IQGAP2: variants seen among roughly 807,000 people sequenced by gnomAD.
The protein encoded by IQGAP2 is ras GTPase-activating-like protein IQGAP2.
In IQGAP2, 173 loss-of-function variants were observed where a neutral mutation model predicts 201.3. That is an observed-to-expected ratio of 0.86 (90% CI 0.76 to 0.98). IQGAP2 has a LOEUF of 0.98. Among genes scored for constraint, IQGAP2 ranks in the 50% least tolerant of loss-of-function variants. IQGAP2 has a pLI of 0.00. For synonymous variants in IQGAP2, 675 were observed against 673.9 expected, an observed-to-expected ratio of 1.00 and a Z score of -0.03; for missense variants, 1,687 against 1,864.8, an observed-to-expected ratio of 0.90 and a Z score of 1.76.
intron 15 of IQGAP2, 30 bp downstream of exon 15, chr5:76,632,056 T>TAAGTATTTTA (rs1433620727): frequency 2.6e-6 from 4 of 1,517,424 alleles, no homozygotes; most frequent in Non-Finnish European, 3.6e-6. Flanking sequence ...TAGCACAAAC[T>TAAGTATTTTA]AAGTATTTTA....
chr5:76,683,712 C>A, intron 29 of IQGAP2, 64 bp from the exon 30 acceptor site: 1 of 1,470,558 alleles, frequency 6.8e-7, no homozygotes, highest in Non-Finnish European at 9.3e-7. Context: ...CTTTATCTTA[C>A]ATTGTTGGTG....
In IQGAP2 at chr5:76,667,899, T is replaced by C. The variant is rs1743934977; in HGVS notation, c.2680-782T>C. Reference sequence around the variant, plus strand: ...TTTCTTTTTTTTTTTTTTTTTTTTTTTGATACAGAGTCTGTGTTGTCTAGG... The same window carrying C: ...TTTCTTTTTTTTTTTTTTTTTTTTTCTGATACAGAGTCTGTGTTGTCTAGG... On this transcript the variant is annotated intron_variant, in intron 22 of 35. Transcript: ENST00000274364. Among the ~76,000 whole-genome samples the C allele has an allele frequency of 3.9e-5, 5 of 128,844 alleles. No homozygotes were observed. In the South Asian group the frequency reaches 1.2e-3, roughly 30 times the overall value. 84.5% of individuals were successfully genotyped at this position (128,844 alleles called of 152,430 possible). A position where few individuals can be genotyped will look rare whatever the true frequency, so the allele number is the denominator to read the frequency against.
intron 20 of IQGAP2, among the ~76,000 whole-genome samples, chr5:76,655,500 T>G (rs1013902955): frequency 4.6e-5 from 7 of 152,200 alleles, no homozygotes; most frequent in African/African-American, 1.7e-4. Flanking sequence ...CAGGCTGGAA[T>G]GCAGTGGCGC....
chr5:76,437,893 G>A (rs1301080562), intron 1 of IQGAP2, among the ~76,000 whole-genome samples: 1 of 152,034 alleles, frequency 6.6e-6, no homozygotes, highest in Admixed American at 6.5e-5. Context: ...TATATACCCA[G>A]TAATGGGATT....
chr5:76,669,541 A>T (rs1468252304), intron 23 of IQGAP2, among the ~76,000 whole-genome samples: 1 of 152,230 alleles, frequency 6.6e-6, no homozygotes, highest in Non-Finnish European at 1.5e-5. Flanking sequence ...AGAGGACAGG[A>T]GGAAAGATTC....
At chr5:76,521,695 G>A (rs931335719) in intron 2 of IQGAP2, among the ~76,000 whole-genome samples, 4 of 152,138 alleles carry the variant, frequency 2.6e-5, no homozygotes, top group African/African-American at 4.8e-5. Flanking sequence ...ATCAACACAC[G>A]TCACTGTAGC....
chr5:76,503,533 A>T (rs149834802), intron 2 of IQGAP2, among the ~76,000 whole-genome samples: 1 of 151,906 alleles, frequency 6.6e-6, no homozygotes, highest in East Asian at 1.9e-4. Context: ...TTTTGTTGTC[A>T]TACCTTCCTG....
At chr5:76,461,855 A>G (rs1424449131) in intron 2 of IQGAP2, among the ~76,000 whole-genome samples, 186 bp downstream of exon 2, 1 of 152,200 alleles carries the variant, frequency 6.6e-6, no homozygotes, top group African/African-American at 2.4e-5. Flanking sequence ...CAAACCTCCC[A>G]TGCCAGGAGG....
chr5:76,538,519 CTG>C (rs1759756217), intron 2 of IQGAP2, among the ~76,000 whole-genome samples: 1 of 152,188 alleles, frequency 6.6e-6, no homozygotes, highest in African/African-American at 2.4e-5. Flanking sequence ...TCTGTTGGGA[CTG>C]TTTTTCAACT....
chr5:76,520,585 C>A (rs2150194061), intron 2 of IQGAP2, among the ~76,000 whole-genome samples: 1 of 152,060 alleles, frequency 6.6e-6, no homozygotes, highest in South Asian at 2.1e-4. Flanking sequence ...GCTTGTCTAT[C>A]CCTTGAAAAA....
intron 2 of IQGAP2, among the ~76,000 whole-genome samples, chr5:76,526,112 C>G (rs1758958949): frequency 2.0e-5 from 3 of 152,146 alleles, no homozygotes; most frequent in Non-Finnish European, 4.4e-5. Flanking sequence ...ATTAACATAG[C>G]CTTTTACTGG....
intron 21 of IQGAP2, among the ~76,000 whole-genome samples, chr5:76,664,799 T>G (rs1469439030): frequency 6.6e-6 from 1 of 152,118 alleles, no homozygotes; most frequent in African/African-American, 2.4e-5. Flanking sequence ...AGTAAGCACA[T>G]GCTATTGGAA....
At chr5:76,696,746 T>C (rs962656624) in intron 32 of IQGAP2, among the ~76,000 whole-genome samples, 4 of 152,114 alleles carry the variant, frequency 2.6e-5, no homozygotes, top group African/African-American at 9.7e-5. Flanking sequence ...ATATTTCTAT[T>C]TGGGAATATG....
At chr5:76,660,074 G>T (rs1743119144) in intron 21 of IQGAP2, 2 of 150,886 alleles carry the variant, frequency 1.3e-5, no homozygotes, top group South Asian at 4.2e-4. Flanking sequence ...TCTTCTGGAA[G>T]CTCTGAGAAG....
chr5:76,664,912 A>G (rs1008455651), intron 21 of IQGAP2, 114 bp from the exon 22 acceptor site: 14 of 663,660 alleles, frequency 2.1e-5, no homozygotes, highest in Non-Finnish European at 3.7e-5. Flanking sequence ...GCAATGCACA[A>G]TACAATGAGG....
chr5:76,480,985 T>C (rs984391068), intron 2 of IQGAP2, among the ~76,000 whole-genome samples: 12 of 152,222 alleles, frequency 7.9e-5, no homozygotes, highest in Admixed American at 3.9e-4. Flanking sequence ...CATCCTCCGT[T>C]GGTGGAAGTG....
chr5:76,646,253 T>G (rs1752029201), intron 17 of IQGAP2, among the ~76,000 whole-genome samples: 1 of 152,228 alleles, frequency 6.6e-6, no homozygotes, highest in South Asian at 2.1e-4. Flanking sequence ...TATGAACAAC[T>G]GTTGGTGACA....
chr5:76,499,675 G>A (rs527808664), intron 2 of IQGAP2, among the ~76,000 whole-genome samples: 3 of 152,258 alleles, frequency 2.0e-5, no homozygotes, highest in South Asian at 2.1e-4. Flanking sequence ...ATGGTTAGTC[G>A]GCCTACTAAC....
At chr5:76,451,038 C>G (rs1219689230) in intron 1 of IQGAP2, among the ~76,000 whole-genome samples, 1 of 152,182 alleles carries the variant, frequency 6.6e-6, no homozygotes, top group Non-Finnish European at 1.5e-5. Context: ...TTAAACTTCT[C>G]TTCCAAATAT....
Sources: gnomAD v4.1 joint callset for allele counts (sites outside exome capture counted in the v4.1 genomes callset) on GRCh38, gnomAD v4.1.1 for gene constraint, MANE v1.5 for transcripts, NCBI Gene and HGNC (gene_info 2026-07-23, HGNC 2026-07-21) for gene names.